The following DMD variants were observed in gnomAD, a reference collection of about 807,000 sequenced individuals.
The protein encoded by DMD is dystrophin, also known as mutant dystrophin.
DMD carries 63 observed loss-of-function variants against 330.1 expected under a neutral mutation model. The observed-to-expected ratio is 0.19, with a 90% CI of 0.16 to 0.24. The LOEUF is 0.24. DMD is among the 10% of genes least tolerant of loss of function. The pLI, the probability that DMD is intolerant of heterozygous loss-of-function variation, is 1.00. For missense variants in DMD, 3,344 were observed against 2,684.1 expected (o/e 1.25, Z -5.43); for synonymous variants, 1,223 against 959.8 (o/e 1.27, Z -5.07).
intron 25 of DMD, 81 bp downstream of exon 25, chrX:32,463,358 A>G: frequency 1.0e-6 from 1 of 972,459 alleles, no homozygotes; most frequent in South Asian, 3.0e-5. Flanking sequence ...AGCCTTAACC[A>G]AAAGTAACGG....
At chrX:31,665,595 T>C (rs759184131) in intron 53 of DMD, among the ~76,000 whole-genome samples, 60 of 111,994 alleles carry the variant, frequency 5.4e-4, no homozygotes, top group Non-Finnish European at 1.1e-3. Flanking sequence ...ATACAGGGCA[T>C]ACTATTTAAG....
Position 32,645,022 on chromosome X carries a change from G to T in DMD, c.1091C>A (p.Ala364Glu). The T allele has an allele frequency of 1.7e-6, 2 of 1,211,399 alleles. No individual in the cohort carries two copies. The highest frequency in any genetic ancestry group is 2.2e-6 in the Non-Finnish European group (2 of 895,422). ...CACATCATTAGAAATCTCTCCTTGT[G>T]CTTGCAATGTGTCCTCAGCAGAAAG... ...WLLSAEDTLQ[A>E]QGEISNDVEV... is the part of the protein sequence containing the mutation. Residue 364 changes from alanine to glutamate, a missense_variant, in exon 10 of 79, where the codon GCA becomes GAA. By Grantham distance (107) the Ala-to-Glu change is moderately radical. Transcript: ENST00000357033.
At chrX:32,551,942 T>A (rs2049606496) in intron 16 of DMD, among the ~76,000 whole-genome samples, 1 of 111,933 alleles carries the variant, frequency 8.9e-6, no homozygotes, top group Non-Finnish European at 1.9e-5. Flanking sequence ...ACTGCTAAAC[T>A]GAGAATTACA....
At chrX:32,945,108 A>C (rs2090710957) in intron 2 of DMD, among the ~76,000 whole-genome samples, 1 of 111,031 alleles carries the variant, frequency 9.0e-6, no homozygotes, top group Non-Finnish European at 1.9e-5. Context: ...GTAGTAAATT[A>C]TATGTCTAAA....
intron 49 of DMD, among the ~76,000 whole-genome samples, chrX:31,824,395 T>G (rs199660074): frequency 9.0e-6 from 1 of 110,710 alleles, no homozygotes; most frequent in East Asian, 2.8e-4. Context: ...TCCCGGTAGC[T>G]GGGATTACAG....
intron 50 of DMD, among the ~76,000 whole-genome samples, chrX:31,796,335 G>A (rs756000971): frequency 1.4e-3 from 161 of 112,376 alleles, no homozygotes; most frequent in African/African-American, 5.0e-3. Context: ...GTAATTTATC[G>A]TGGGGCTTAA....
At chrX:31,863,292 G>A (rs1182989946) in intron 48 of DMD, among the ~76,000 whole-genome samples, 2 of 112,378 alleles carry the variant, frequency 1.8e-5, no homozygotes, top group Non-Finnish European at 3.8e-5. Context: ...GCAGTGAGCT[G>A]AGATCACGCC....
intron 7 of DMD, among the ~76,000 whole-genome samples, chrX:32,735,621 C>T (rs1427775719): frequency 9.9e-5 from 11 of 110,887 alleles, no homozygotes; most frequent in East Asian, 2.8e-4. Context: ...GCATATCTAC[C>T]ACTATCTGAT....
chrX:32,639,225 A>AT (rs1479328389), intron 11 of DMD, among the ~76,000 whole-genome samples: 1 of 111,884 alleles, frequency 8.9e-6, no homozygotes, highest in African/African-American at 3.3e-5. Flanking sequence ...TGCAGGTTGC[A>AT]TTTTTCAATC....
intron 13 of DMD, among the ~76,000 whole-genome samples, chrX:32,580,630 G>A (rs1243757071): frequency 2.7e-5 from 3 of 111,663 alleles, no homozygotes; most frequent in Non-Finnish European, 5.6e-5. Context: ...AAAAAAATCA[G>A]CCTTTATTCC....
chrX:32,447,632 G>T (rs1443564804), intron 27 of DMD, among the ~76,000 whole-genome samples: 2 of 111,490 alleles, frequency 1.8e-5, no homozygotes, highest in Non-Finnish European at 3.8e-5. Context: ...AAGTAAAGAG[G>T]TACCTGAACA....
intron 1 of DMD, among the ~76,000 whole-genome samples, chrX:33,091,211 G>A (rs562042328): frequency 1.8e-5 from 2 of 111,608 alleles, no homozygotes; most frequent in South Asian, 7.5e-4. Flanking sequence ...AAAATTTATA[G>A]TTTAAACATG....
chrX:32,655,681 T>A (rs916245037), intron 9 of DMD, among the ~76,000 whole-genome samples: 13 of 111,730 alleles, frequency 1.2e-4, no homozygotes, highest in Admixed American at 9.5e-4. Context: ...TGAGTTCAAT[T>A]CTTGGATATC....
intron 50 of DMD, among the ~76,000 whole-genome samples, chrX:31,806,478 T>G (rs1603474001): frequency 8.9e-6 from 1 of 112,780 alleles, no homozygotes; most frequent in African/African-American, 3.2e-5. Flanking sequence ...TTTGATCAGA[T>G]GGATTTCAAT....
intron 48 of DMD, among the ~76,000 whole-genome samples, chrX:31,848,715 CAGT>C (rs1459131833): frequency 5.4e-5 from 6 of 110,327 alleles, no homozygotes; most frequent in Non-Finnish European, 7.6e-5. Flanking sequence ...GGTTCAATAA[CAGT>C]AGGAGAATTT....
chrX:31,879,324 CT>C (rs1402786676), intron 47 of DMD, among the ~76,000 whole-genome samples: 3 of 109,990 alleles, frequency 2.7e-5, no homozygotes, highest in African/African-American at 9.9e-5. Context: ...ACTATCAGAT[CT>C]TGTGAAACTT....
chrX:33,073,605 T>A (rs2094792435), intron 1 of DMD, among the ~76,000 whole-genome samples: 1 of 110,713 alleles, frequency 9.0e-6, no homozygotes, highest in Non-Finnish European at 1.9e-5. Flanking sequence ...CTGAGGTGGG[T>A]GGGTCACCTG....
intron 9 of DMD, among the ~76,000 whole-genome samples, chrX:32,648,124 A>C (rs2059901151): frequency 8.9e-6 from 1 of 112,012 alleles, no homozygotes; most frequent in Non-Finnish European, 1.9e-5. Context: ...TGAATTTTGG[A>C]AGAAAATATT....
intron 45 of DMD, among the ~76,000 whole-genome samples, chrX:31,959,751 TAATTCAACAGCA>T (rs1406567212): frequency 9.7e-6 from 1 of 103,600 alleles, no homozygotes; most frequent in Non-Finnish European, 2.0e-5. Context: ...TACCTACATC[TAATTCAACAGCA>T]CCGTGGTTTT....
Sources: allele counts gnomAD v4.1 joint callset (sites outside exome capture counted in the v4.1 genomes callset), GRCh38; gene constraint gnomAD v4.1.1; transcripts MANE v1.5; gene names NCBI Gene and HGNC (gene_info 2026-07-23, HGNC 2026-07-21).